The following ZFHX3 variants were observed in gnomAD, a reference collection of about 807,000 sequenced individuals.
The protein encoded by ZFHX3 is zinc finger homeobox protein 3.
ZFHX3 carries 42 observed loss-of-function variants against 279.1 expected under a neutral mutation model. The ratio of observed to expected loss-of-function variants is 0.15; its 90% CI spans 0.12 to 0.19. The LOEUF (loss-of-function observed/expected upper bound fraction) is 0.19, where lower values mean the gene tolerates loss of function less well. Among genes scored for constraint, ZFHX3 ranks in the 10% least tolerant of loss-of-function variants. The pLI, the probability that ZFHX3 is intolerant of heterozygous loss-of-function variation, is 1.00. For missense variants in ZFHX3, 4,981 were observed against 4,754.0 expected (o/e 1.05, Z -1.40); for synonymous variants, 2,293 against 1,957.8 (o/e 1.17, Z -4.52).
intron 3 of ZFHX3, among the ~76,000 whole-genome samples, chr16:72,926,797 C>T (rs1597384189): frequency 6.6e-6 from 1 of 152,202 alleles, no homozygotes; most frequent in South Asian, 2.1e-4. Flanking sequence ...TGTTTCTACT[C>T]CTGGCCCGTT....
At chr16:73,407,661 C>G (rs1348526498) in intron 3 of ZFHX3, among the ~76,000 whole-genome samples, 1 of 152,192 alleles carries the variant, frequency 6.6e-6, no homozygotes, top group African/African-American at 2.4e-5. Flanking sequence ...AACACACACA[C>G]TCGCTCCCTC....
chr16:72,982,406 C>A (rs1166081532), intron 1 of ZFHX3, among the ~76,000 whole-genome samples: 1 of 152,128 alleles, frequency 6.6e-6, no homozygotes, highest in Non-Finnish European at 1.5e-5. Flanking sequence ...TCCATGAAGG[C>A]ATCATTTCCT....
chr16:73,635,655 G>A (rs936306453), intron 2 of ZFHX3, among the ~76,000 whole-genome samples: 9 of 151,806 alleles, frequency 5.9e-5, no homozygotes, highest in Non-Finnish European at 1.3e-4. Context: ...CTCACCCTGT[G>A]ATCTTGATTT....
intron 1 of ZFHX3, among the ~76,000 whole-genome samples, chr16:73,761,943 A>C (rs1373123303): frequency 6.6e-6 from 1 of 152,174 alleles, no homozygotes; most frequent in Non-Finnish European, 1.5e-5. Flanking sequence ...CACGACAAAG[A>C]TGTCAAAAGC....
intron 1 of ZFHX3, among the ~76,000 whole-genome samples, chr16:73,832,177 G>A (rs1961015419): frequency 1.3e-5 from 2 of 151,672 alleles, no homozygotes; most frequent in South Asian, 2.1e-4. Context: ...GGGATTATAG[G>A]CAAAGCCACT....
intron 2 of ZFHX3, among the ~76,000 whole-genome samples, chr16:73,519,018 T>C (rs1227339751): frequency 1.3e-5 from 2 of 152,178 alleles, no homozygotes; most frequent in Non-Finnish European, 2.9e-5. Flanking sequence ...TAATGGAAAA[T>C]GTGAATTTCC....
chr16:73,805,508 C>G (rs1960254085), intron 1 of ZFHX3, among the ~76,000 whole-genome samples: 1 of 152,182 alleles, frequency 6.6e-6, no homozygotes, highest in African/African-American at 2.4e-5. Context: ...TCCATCAAGA[C>G]TGCCACCTTC....
chr16:73,316,247 C>A (rs534685189), intron 4 of ZFHX3, among the ~76,000 whole-genome samples: 1 of 152,280 alleles, frequency 6.6e-6, no homozygotes, highest in Non-Finnish European at 1.5e-5. Flanking sequence ...TTGAGGAAAA[C>A]CAACCTGAAT....
Position 73,455,256 on chromosome 16 carries a change from G to GCTTC in ZFHX3, c.-1291+743_-1291+746dup, listed in dbSNP as rs536921667. ...CACCTCTTATCTGAGAGGTCCAAAT[G>GCTTC]CTTCCCAGGAACTTTACATTTGCAT... On this transcript the variant is annotated intron_variant, in intron 3 of 17. Transcript: ENST00000641206. 9.1e-4 allele frequency among the ~76,000 whole-genome samples: 138 copies of GCTTC among 152,274 alleles called. 5 individuals carry two copies. The East Asian group carries it at 0.018, about 20-fold the overall frequency.
chr16:73,505,003 G>A (rs1365659720), intron 2 of ZFHX3: 4 of 152,138 alleles, frequency 2.6e-5, no homozygotes, highest in Admixed American at 6.5e-5. Flanking sequence ...TGGCAAAGAT[G>A]AGGGGGCAAT....
intron 2 of ZFHX3, among the ~76,000 whole-genome samples, chr16:73,595,982 ATTTTATTTT>A (rs2052045703): frequency 3.6e-4 from 1 of 2,768 alleles, no homozygotes; most frequent in Non-Finnish European, 1.7e-3. Flanking sequence ...TTACTTTTTT[ATTTTATTTT>A]ATTTTATTTT....
At chr16:73,752,151 C>T (rs1032695189) in intron 1 of ZFHX3, among the ~76,000 whole-genome samples, 1 of 152,088 alleles carries the variant, frequency 6.6e-6, no homozygotes, top group African/African-American at 2.4e-5. Context: ...AGGAGAGTAA[C>T]TCCCAGCTTT....
chr16:73,630,534 A>T (rs970434903), intron 2 of ZFHX3, among the ~76,000 whole-genome samples: 3 of 152,216 alleles, frequency 2.0e-5, no homozygotes, highest in African/African-American at 7.2e-5. Flanking sequence ...CATACTTAGG[A>T]AAGGAAAGAG....
In ZFHX3 at chr16:73,343,462, C is replaced by T. The variant is rs909686999; in HGVS notation, c.-1290-25126G>A. Among the ~76,000 whole-genome samples the T allele has an allele frequency of 1.1e-4, 17 of 152,280 alleles. No individual in the cohort carries two copies. The South Asian group carries it at 3.1e-3, about 28-fold the overall frequency. On this transcript the variant is annotated intron_variant, in intron 3 of 17. Transcript: ENST00000641206. ...AGAGGAGGCCACATGCGGTGGCTCA[C>T]ACCTGTAATCTCAGCTCTTTGGGAG... is the stretch of plus-strand genomic sequence containing the variant.
chr16:73,002,102 C>T (rs1963517046), intron 1 of ZFHX3, among the ~76,000 whole-genome samples: 2 of 152,078 alleles, frequency 1.3e-5, no homozygotes, highest in African/African-American at 4.8e-5. Flanking sequence ...AGGAGAGAAT[C>T]CAGTCTAACT....
Position 72,957,321 on chromosome 16 carries a change from G to T in ZFHX3, c.2719+106C>A. 4 of 1,370,488 alleles carry T rather than the reference G, an allele frequency of 2.9e-6. No individual in the cohort carries two copies. The South Asian group carries it at 4.3e-5, about 15-fold the overall frequency. 84.9% of individuals were successfully genotyped at this position (1,370,488 alleles called of 1,614,324 possible). On this transcript the variant is annotated intron_variant, in intron 2 of 9. Transcript: ENST00000268489. ...ACTCCAGTTTACACAAAAACCACTC[G>T]AGAAGACCAGAGTCAACTGAATCCA...
chr16:73,845,196 G>C (rs906394249), intron 1 of ZFHX3, among the ~76,000 whole-genome samples: 2 of 152,190 alleles, frequency 1.3e-5, no homozygotes, highest in Non-Finnish European at 2.9e-5. Context: ...AAGTGCGTTC[G>C]TGGAGGACCT....
intron 5 of ZFHX3, among the ~76,000 whole-genome samples, chr16:73,222,109 CT>C (rs1432835186): frequency 6.6e-6 from 1 of 151,936 alleles, no homozygotes; most frequent in Non-Finnish European, 1.5e-5. Context: ...TCCTATAATA[CT>C]GCTAACCCTG....
At chr16:72,960,751 T>A (rs990898818) in intron 1 of ZFHX3, among the ~76,000 whole-genome samples, 1 of 152,184 alleles carries the variant, frequency 6.6e-6, no homozygotes, top group African/African-American at 2.4e-5. Context: ...CCGTCGCTTT[T>A]ACTGACCATG....
Sources: gnomAD v4.1 joint callset for allele counts (sites outside exome capture counted in the v4.1 genomes callset) on GRCh38, gnomAD v4.1.1 for gene constraint, MANE v1.5 for transcripts, NCBI Gene and HGNC (gene_info 2026-07-23, HGNC 2026-07-21) for gene names.